Variants in RBBP8 observed in about 807,000 individuals in gnomAD.
The protein encoded by RBBP8 is RB binding protein 8, endonuclease.
A neutral mutation model predicts 108.3 loss-of-function variants in RBBP8; 88 were observed. The ratio of observed to expected loss-of-function variants is 0.81; its 90% CI spans 0.68 to 0.97. The LOEUF is 0.97. RBBP8 is among the 50% of genes least tolerant of loss of function. The pLI is 0.00. For synonymous variants in RBBP8, 332 were observed against 348.2 expected (o/e 0.95, Z 0.52); for missense variants, 1,023 against 1,049.0 (o/e 0.98, Z 0.34).
At position 23,016,826 on chromosome 18, in the gene RBBP8, A is replaced by C; in HGVS notation, c.2358-2A>C. On this transcript the variant is annotated splice_acceptor_variant, in intron 16 of 18. Coordinates refer to ENST00000327155, the MANE Select transcript of RBBP8 (RefSeq NM_002894.3). LOFTEE classifies it high-confidence loss of function. ...TGTTAATTTAATTCATTTTTCCCCC[A>C]GAGAGACTAGCTTGCAAAATTTTCC... 6.2e-7 allele frequency: 1 copy of C among 1,606,526 alleles called. No individual in the cohort carries two copies. The highest frequency in any genetic ancestry group is 8.5e-7 in the Non-Finnish European group (1 of 1,173,290).
intron 8 of RBBP8, among the ~76,000 whole-genome samples, chr18:22,988,809 T>C (rs553482733): frequency 6.6e-6 from 1 of 152,334 alleles, no homozygotes; most frequent in South Asian, 2.1e-4. Context: ...TAGCTTAACC[T>C]GAAACATGCA....
intron 6 of RBBP8, among the ~76,000 whole-genome samples, chr18:22,979,128 A>G (rs1914708308): frequency 1.3e-5 from 2 of 152,134 alleles, no homozygotes; most frequent in African/African-American, 2.4e-5. Context: ...CTAGCCAGGT[A>G]TGGTTGCACG....
chr18:22,955,162 T>G (rs1316297379), intron 4 of RBBP8, among the ~76,000 whole-genome samples: 1 of 152,262 alleles, frequency 6.6e-6, no homozygotes, highest in Non-Finnish European at 1.5e-5. Flanking sequence ...AATATTCCCT[T>G]GCCTTTCATT....
chr18:22,962,691 C>T (rs1013465480), intron 4 of RBBP8, among the ~76,000 whole-genome samples: 1 of 146,552 alleles, frequency 6.8e-6, no homozygotes, highest in Admixed American at 6.8e-5. Flanking sequence ...ATACACACCC[C>T]CTCCTCTCCA....
intron 4 of RBBP8, among the ~76,000 whole-genome samples, chr18:22,952,865 A>G (rs1194969946): frequency 6.6e-6 from 1 of 152,138 alleles, no homozygotes; most frequent in Non-Finnish European, 1.5e-5. Context: ...TCTCATTTCT[A>G]CCATTACACC....
At chr18:23,010,152 T>C (rs1260913351) in intron 16 of RBBP8, among the ~76,000 whole-genome samples, 1 of 152,256 alleles carries the variant, frequency 6.6e-6, no homozygotes, top group East Asian at 1.9e-4. Flanking sequence ...TACTTCATTA[T>C]GTGACCCTAC....
intron 2 of RBBP8, among the ~76,000 whole-genome samples, chr18:22,937,439 T>C (rs1259300372): frequency 6.6e-6 from 1 of 152,180 alleles, no homozygotes; most frequent in East Asian, 1.9e-4. Flanking sequence ...TTCAGTCCAC[T>C]GTTGAATTTT....
At position 23,026,330 on chromosome 18, in the gene RBBP8, A is replaced by G; in HGVS notation, c.*90A>G. On this transcript the variant is annotated 3_prime_UTR_variant, in exon 19 of 19. Coordinates refer to ENST00000327155, the MANE Select transcript of RBBP8 (RefSeq NM_002894.3). Reference sequence around the variant, plus strand: ...TTGGTACTAAACATTGATTTTTTTGATCTTCTGTAAATGGATTTATAAATC... The same window carrying G: ...TTGGTACTAAACATTGATTTTTTTGGTCTTCTGTAAATGGATTTATAAATC... 9.1e-7 allele frequency: 1 copy of G among 1,097,464 alleles called. No homozygotes were observed. Among genetic ancestry groups the G allele is most frequent in the South Asian group, 1.3e-5 (1 of 74,518 alleles). The allele number at this position is 1,097,464 out of a possible 1,614,324, so 68.0% of individuals were successfully genotyped here. A position where few individuals can be genotyped will look rare whatever the true frequency, so the allele number is the denominator to read the frequency against.
At chr18:22,917,092 AT>A (rs1403196512) in intron 3 of RBBP8, 1 of 152,202 alleles carries the variant, frequency 6.6e-6, no homozygotes, top group African/African-American at 2.4e-5. Context: ...TTCCTAGGAA[AT>A]GTGATTACAG....
chr18:22,999,054 T>G (rs2045904842), intron 14 of RBBP8, among the ~76,000 whole-genome samples: 1 of 152,224 alleles, frequency 6.6e-6, no homozygotes. Context: ...ACTTTAAATC[T>G]ATTCAGAAGA....
intron 6 of RBBP8, among the ~76,000 whole-genome samples, chr18:22,981,778 G>T (rs1240393494): frequency 1.3e-5 from 2 of 152,094 alleles, no homozygotes; most frequent in East Asian, 3.9e-4. Flanking sequence ...TCCCAATCTT[G>T]CACAATACTG....
chr18:22,986,855 T>C (rs1915362104), intron 8 of RBBP8, among the ~76,000 whole-genome samples: 2 of 152,162 alleles, frequency 1.3e-5, no homozygotes, highest in Non-Finnish European at 2.9e-5. Context: ...AGGCTCAGGG[T>C]CCAGCAAAGG....
chr18:22,949,615 T>C lies in RBBP8; in HGVS notation c.153-3T>C, dbSNP rs369315269. ...AAAAACTTATTTATTTTTTGACCTTTAGAGATGCACAAAGACTAGAAGAAT... is the reference window on the plus strand; with the variant it reads ...AAAAACTTATTTATTTTTTGACCTTCAGAGATGCACAAAGACTAGAAGAAT... On this transcript the variant is annotated splice_region_variant and splice_polypyrimidine_tract_variant and intron_variant, in intron 3 of 18. Transcript: ENST00000327155. 22 of 1,601,730 alleles carry C rather than the reference T, an allele frequency of 1.4e-5. No individual in the cohort carries two copies. Among genetic ancestry groups the C allele is most frequent in the Middle Eastern group, 3.3e-4 (2 of 6,062 alleles).
intron 16 of RBBP8, among the ~76,000 whole-genome samples, chr18:23,012,077 G>A (rs1239464313): frequency 1.3e-5 from 2 of 151,836 alleles, no homozygotes; most frequent in East Asian, 1.9e-4. Context: ...GGTGGCACAC[G>A]CCTGTAGTTC....
chr18:22,923,933 T>A (rs748014891), intron 3 of RBBP8, among the ~76,000 whole-genome samples: 4 of 152,042 alleles, frequency 2.6e-5, no homozygotes, highest in Non-Finnish European at 5.9e-5. Flanking sequence ...AAAAAGCATA[T>A]GTGCCAAAAA....
chr18:22,981,471 T>G (rs1368482250), intron 6 of RBBP8, among the ~76,000 whole-genome samples: 1 of 152,200 alleles, frequency 6.6e-6, no homozygotes, highest in Non-Finnish European at 1.5e-5. Flanking sequence ...AGTAAATGAC[T>G]TCTGTATCTT....
At chr18:22,997,301 A>C (rs927808695) in intron 13 of RBBP8, among the ~76,000 whole-genome samples, 1 of 152,202 alleles carries the variant, frequency 6.6e-6, no homozygotes, top group Non-Finnish European at 1.5e-5. Context: ...CTTAGTGTAC[A>C]TTGATGTTCA....
In RBBP8 at chr18:23,011,865, CTCT is replaced by C. The variant is rs554341807; in HGVS notation, c.2358-4958_2358-4956del. On this transcript the variant is annotated intron_variant, in intron 16 of 18. Transcript: ENST00000327155. ...ACCGACCATTTTCCCATCTCTCCTC[CTCT>C]TCTTGGGCCTCCCTATTCCCTGAGA... 1.6e-3 allele frequency among the ~76,000 whole-genome samples: 247 copies of C among 152,196 alleles called. 2 individuals are homozygous for C. In the South Asian group the frequency reaches 0.02, roughly 12 times the overall value.
At chr18:23,001,456 C>T in intron 14 of RBBP8, 130 bp from the exon 15 acceptor site, 1 of 1,043,572 alleles carries the variant, frequency 9.6e-7, no homozygotes, top group Non-Finnish European at 1.5e-6. Context: ...CATATTTTAA[C>T]AACCGTATTT....
Sources: gnomAD v4.1 joint callset for allele counts (sites outside exome capture counted in the v4.1 genomes callset) on GRCh38, gnomAD v4.1.1 for gene constraint, MANE v1.5 for transcripts, NCBI Gene and HGNC (gene_info 2026-07-23, HGNC 2026-07-21) for gene names.